Variants in CSMD1 observed in about 807,000 individuals in gnomAD.
The protein encoded by CSMD1 is CUB and sushi domain-containing protein 1.
In CSMD1, 213 loss-of-function variants were observed where a neutral mutation model predicts 417.5. The observed-to-expected ratio is 0.51, with a 90% confidence interval of 0.46 to 0.57. The LOEUF is 0.57. Ranked by LOEUF, CSMD1 falls within the 20% of genes least tolerant of loss-of-function variation. The pLI is 0.00. For synonymous variants in CSMD1, 2,862 were observed against 1,736.8 expected, an observed-to-expected ratio of 1.65 and a Z score of -16.11; for missense variants, 6,923 against 4,529.7, an observed-to-expected ratio of 1.53 and a Z score of -15.17.
chr8:3,545,474 G>C (rs184429488), intron 10 of CSMD1, among the ~76,000 whole-genome samples: 1 of 152,154 alleles, frequency 6.6e-6, no homozygotes. Flanking sequence ...TCCAGGCCTA[G>C]GTCTACAGAC....
At position 3,244,887 on chromosome 8, in the gene CSMD1, GCCCAGT is replaced by G. The variant is rs201266076; in HGVS notation, c.4154-14662_4154-14657del. 5.6e-3 allele frequency among the ~76,000 whole-genome samples: 855 copies of G among 152,280 alleles called. 9 individuals are homozygous for G. The highest frequency in any genetic ancestry group is 0.019 in the African/African-American group (801 of 41,562). Reference sequence around the variant, plus strand: ...TCAGATTTTTAGGACCTGACTCTCAGCCCAGTCCTCCACCCCAAGGGCGCTGAGAAG... The same window carrying G: ...TCAGATTTTTAGGACCTGACTCTCAGCCTCCACCCCAAGGGCGCTGAGAAG... On this transcript the variant is annotated intron_variant, in intron 26 of 69. Transcript: ENST00000635120.
intron 6 of CSMD1, among the ~76,000 whole-genome samples, chr8:3,727,079 G>A (rs754418259): frequency 1.3e-5 from 2 of 151,958 alleles, no homozygotes; most frequent in Non-Finnish European, 2.9e-5. Context: ...AAAGATAATG[G>A]CATTTAATGT....
chr8:3,534,227 G>C (rs1312155506), intron 10 of CSMD1, among the ~76,000 whole-genome samples: 1 of 152,120 alleles, frequency 6.6e-6, no homozygotes, highest in African/African-American at 2.4e-5. Context: ...TGCCTAGGTA[G>C]TCCAGAAGAT....
chr8:3,022,815 T>A (rs1018585941), intron 51 of CSMD1, among the ~76,000 whole-genome samples: 1 of 152,036 alleles, frequency 6.6e-6, no homozygotes, highest in African/African-American at 2.4e-5. Context: ...TGTTTGCAAA[T>A]ACACGAAGGC....
At chr8:3,244,290 T>G (rs1799734443) in intron 26 of CSMD1, among the ~76,000 whole-genome samples, 2 of 152,164 alleles carry the variant, frequency 1.3e-5, no homozygotes, top group Non-Finnish European at 2.9e-5. Context: ...GCTCCTTGTT[T>G]CTGTTCACTG....
chr8:4,007,185 C>T (rs906949184), intron 4 of CSMD1, among the ~76,000 whole-genome samples: 1 of 152,140 alleles, frequency 6.6e-6, no homozygotes, highest in African/African-American at 2.4e-5. Flanking sequence ...TGCCCACTTT[C>T]ATAGAACATG....
intron 26 of CSMD1, among the ~76,000 whole-genome samples, chr8:3,240,755 A>G (rs1799444286): frequency 6.6e-6 from 1 of 152,124 alleles, no homozygotes; most frequent in Non-Finnish European, 1.5e-5. Flanking sequence ...AGGAGAGTAT[A>G]TGGGTTTGGC....
At chr8:3,162,387 G>A in intron 37 of CSMD1, 110 bp from the exon 38 acceptor site, 1 of 707,832 alleles carries the variant, frequency 1.4e-6, no homozygotes, top group South Asian at 1.7e-5. Flanking sequence ...AATGAACAAA[G>A]ACTTCAACTC....
intron 2 of CSMD1, among the ~76,000 whole-genome samples, chr8:4,446,589 T>C (rs1798803644): frequency 6.6e-6 from 1 of 152,158 alleles, no homozygotes; most frequent in Non-Finnish European, 1.5e-5. Flanking sequence ...AGTCTCATTC[T>C]GTCACCCAGG....
In CSMD1 at chr8:3,555,190, T is replaced by C. The variant is rs146715652; in HGVS notation, c.1344+19755A>G. Among the ~76,000 whole-genome samples the C allele has an allele frequency of 4.0e-3, 601 of 150,218 alleles. 3 individuals are homozygous for C. The highest frequency in any genetic ancestry group is 0.014 in the African/African-American group (583 of 40,714). On this transcript the variant is annotated intron_variant, in intron 10 of 69. Transcript: ENST00000635120. ...AATGGGGAGAAATGTGTCTGGGAGG[T>C]GTAGGGAAAGATGGACGGGAGCTTT...
intron 3 of CSMD1, among the ~76,000 whole-genome samples, chr8:4,110,203 T>A (rs892947496): frequency 6.6e-6 from 1 of 152,094 alleles, no homozygotes; most frequent in Non-Finnish European, 1.5e-5. Context: ...AAATTTAAAA[T>A]CTAGAGAATA....
At chr8:4,106,587 T>A (rs1801580206) in intron 3 of CSMD1, among the ~76,000 whole-genome samples, 1 of 152,114 alleles carries the variant, frequency 6.6e-6, no homozygotes, top group South Asian at 2.1e-4. Flanking sequence ...TAATTAAAGG[T>A]GAATTAATTT....
intron 5 of CSMD1, among the ~76,000 whole-genome samples, chr8:3,920,846 C>T (rs759155174): frequency 6.6e-6 from 1 of 152,086 alleles, no homozygotes; most frequent in African/African-American, 2.4e-5. Flanking sequence ...TGTATGATCC[C>T]TTTAATGTGC....
At chr8:3,097,458 G>GCC (rs751329214) in intron 46 of CSMD1, among the ~76,000 whole-genome samples, 29 of 121,196 alleles carry the variant, frequency 2.4e-4, no homozygotes, top group Non-Finnish European at 4.9e-4. Flanking sequence ...ATATACAGTA[G>GCC]GCCCCCTTAC....
chr8:4,341,268 A>G (rs1028114858), intron 3 of CSMD1, among the ~76,000 whole-genome samples: 1 of 152,130 alleles, frequency 6.6e-6, no homozygotes, highest in Non-Finnish European at 1.5e-5. Flanking sequence ...AGGCAGTTGT[A>G]TGTCATATGG....
intron 9 of CSMD1, among the ~76,000 whole-genome samples, chr8:3,579,409 CAATT>C (rs1800289015): frequency 6.6e-6 from 1 of 152,164 alleles, no homozygotes; most frequent in Non-Finnish European, 1.5e-5. Context: ...AGTAACTACT[CAATT>C]AATCAAATTA....
chr8:3,163,434 G>A (rs958002226), intron 37 of CSMD1, among the ~76,000 whole-genome samples: 5 of 151,688 alleles, frequency 3.3e-5, no homozygotes, highest in Admixed American at 2.6e-4. Flanking sequence ...AAAACAGCAG[G>A]AGAACAGGTC....
chr8:3,442,690 T>A (rs1164041575), intron 12 of CSMD1, among the ~76,000 whole-genome samples: 1 of 152,196 alleles, frequency 6.6e-6, no homozygotes, highest in Non-Finnish European at 1.5e-5. Flanking sequence ...TCAGAACGTA[T>A]CCCTGTTGTT....
At chr8:3,128,043 T>C (rs1365631692) in intron 41 of CSMD1, 3 of 152,162 alleles carry the variant, frequency 2.0e-5, no homozygotes, top group Admixed American at 2.0e-4. Flanking sequence ...AGGAAGTCAC[T>C]AAAATCTTTA....
Sources: allele counts gnomAD v4.1 joint callset (sites outside exome capture counted in the v4.1 genomes callset), GRCh38; gene constraint gnomAD v4.1.1; transcripts MANE v1.5; gene names NCBI Gene and HGNC (gene_info 2026-07-23, HGNC 2026-07-21).